ROBO2: variants seen among roughly 807,000 people sequenced by gnomAD.
The protein encoded by ROBO2 is roundabout guidance receptor 2.
In ROBO2, 53 loss-of-function variants were observed where a neutral mutation model predicts 160.8. The observed-to-expected ratio is 0.33, with a 90% CI of 0.26 to 0.41. ROBO2 has a LOEUF of 0.41. Ranked by LOEUF, ROBO2 falls within the 10% of genes least tolerant of loss-of-function variation. The probability of loss-of-function intolerance (pLI) is 1.00; values close to 1 mark genes in which losing one functional copy is unlikely to be tolerated. For missense variants in ROBO2, 1,577 were observed against 1,722.4 expected, an observed-to-expected ratio of 0.92 and a Z score of 1.49; for synonymous variants, 664 against 611.7, an observed-to-expected ratio of 1.09 and a Z score of -1.26.
chr3:76,435,058 T>C (rs1326987078), intron 2 of ROBO2: 2 of 1,136,106 alleles, frequency 1.8e-6, no homozygotes, highest in Non-Finnish European at 2.7e-6. Context: ...ATGGCTTACA[T>C]ATACAAGTGT....
At chr3:77,165,893 T>C (rs1179094592) in intron 2 of ROBO2, among the ~76,000 whole-genome samples, 1 of 152,176 alleles carries the variant, frequency 6.6e-6, no homozygotes, top group Non-Finnish European at 1.5e-5. Flanking sequence ...TTTCAGTATA[T>C]AGAAATTTCA....
intron 2 of ROBO2, among the ~76,000 whole-genome samples, chr3:76,017,453 A>C (rs1351548828): frequency 1.3e-5 from 2 of 152,124 alleles, no homozygotes; most frequent in Non-Finnish European, 2.9e-5. Flanking sequence ...TGATGAGCGC[A>C]CCTAAAGAGC....
chr3:77,253,819 T>G (rs2090636969), intron 2 of ROBO2, among the ~76,000 whole-genome samples: 1 of 152,130 alleles, frequency 6.6e-6, no homozygotes. Context: ...CCACTAGAAA[T>G]AGAGGTAAAG....
At chr3:77,576,995 T>C (rs2093783335) in intron 14 of ROBO2, among the ~76,000 whole-genome samples, 1 of 152,150 alleles carries the variant, frequency 6.6e-6, no homozygotes, top group African/African-American at 2.4e-5. Context: ...GAATATGTCT[T>C]CTCAGAATAA....
chr3:76,352,049 A>G (rs539683804), intron 2 of ROBO2, among the ~76,000 whole-genome samples: 10 of 152,174 alleles, frequency 6.6e-5, no homozygotes, highest in Non-Finnish European at 1.3e-4. Flanking sequence ...GTCTTTTTAA[A>G]TTACACAATA....
chr3:76,867,536 A>T (rs1306310216), intron 2 of ROBO2, among the ~76,000 whole-genome samples: 7 of 152,136 alleles, frequency 4.6e-5, no homozygotes, highest in Non-Finnish European at 1.0e-4. Flanking sequence ...CAATTTGGGG[A>T]CACTTTTCGT....
At chr3:76,416,582 C>T (rs1260143609) in intron 2 of ROBO2, among the ~76,000 whole-genome samples, 2 of 152,048 alleles carry the variant, frequency 1.3e-5, no homozygotes, top group Admixed American at 6.6e-5. Context: ...TTTTGCTATG[C>T]TCACTTTTGC....
chr3:76,610,416 G>A (rs1030425505), intron 2 of ROBO2, among the ~76,000 whole-genome samples: 8 of 152,166 alleles, frequency 5.3e-5, no homozygotes, highest in African/African-American at 1.4e-4. Context: ...CTGGAACGGC[G>A]TGGGGTGAGC....
chr3:76,486,586 TA>T (rs1387949038), intron 2 of ROBO2, among the ~76,000 whole-genome samples: 5 of 152,198 alleles, frequency 3.3e-5, no homozygotes, highest in African/African-American at 7.2e-5. Context: ...TGAAAACTCA[TA>T]TATCTTTGAA....
chr3:76,697,804 A>T (rs541957629), intron 2 of ROBO2, among the ~76,000 whole-genome samples: 2 of 152,274 alleles, frequency 1.3e-5, no homozygotes, highest in Admixed American at 1.3e-4. Flanking sequence ...TGAAATAACC[A>T]TCACAATAGA....
chr3:76,470,539 C>T (rs1484550086), intron 2 of ROBO2, among the ~76,000 whole-genome samples: 6 of 152,176 alleles, frequency 3.9e-5, no homozygotes, highest in Non-Finnish European at 7.4e-5. Flanking sequence ...CTACGTGACT[C>T]GGGCTTCTCA....
chr3:76,412,697 A>G (rs1392053733), intron 2 of ROBO2, among the ~76,000 whole-genome samples: 1 of 152,194 alleles, frequency 6.6e-6, no homozygotes, highest in African/African-American at 2.4e-5. Flanking sequence ...GTGGATTCCC[A>G]TGGTCTTGCA....
At chr3:76,418,115 GA>G (rs571364315) in intron 2 of ROBO2, among the ~76,000 whole-genome samples, 6 of 151,376 alleles carry the variant, frequency 4.0e-5, no homozygotes, top group Non-Finnish European at 7.4e-5. Context: ...CTATATTAAA[GA>G]AAAAAACAAA....
chr3:76,975,837 C>T (rs1433108828), intron 2 of ROBO2, among the ~76,000 whole-genome samples: 2 of 152,130 alleles, frequency 1.3e-5, no homozygotes, highest in Admixed American at 6.5e-5. Flanking sequence ...AACTTTGTTT[C>T]TCCAAAACTC....
intron 2 of ROBO2, among the ~76,000 whole-genome samples, chr3:76,512,695 T>C (rs182283660): frequency 2.6e-5 from 4 of 152,234 alleles, no homozygotes; most frequent in Non-Finnish European, 5.9e-5. Context: ...AGGCACAAAA[T>C]TGTTTAAAAT....
intron 5 of ROBO2, among the ~76,000 whole-genome samples, chr3:77,510,354 AG>A (rs1430449086): frequency 6.6e-6 from 1 of 152,056 alleles, no homozygotes; most frequent in Non-Finnish European, 1.5e-5. Flanking sequence ...GAAGATACAA[AG>A]GGTTGATAGA....
chr3:77,480,596 A>G (rs932786357), intron 3 of ROBO2, among the ~76,000 whole-genome samples: 1 of 152,186 alleles, frequency 6.6e-6, no homozygotes, highest in African/African-American at 2.4e-5. Flanking sequence ...TAATATTAAC[A>G]GTTGAAATGT....
At chr3:76,859,274 C>T (rs939688362) in intron 2 of ROBO2, among the ~76,000 whole-genome samples, 10 of 152,192 alleles carry the variant, frequency 6.6e-5, no homozygotes, top group African/African-American at 2.4e-4. Flanking sequence ...AATGCAAGGA[C>T]TGTTCAAATT....
At chr3:76,386,522 T>C (rs1045585509) in intron 2 of ROBO2, among the ~76,000 whole-genome samples, 1 of 152,246 alleles carries the variant, frequency 6.6e-6, no homozygotes, top group South Asian at 2.1e-4. Flanking sequence ...TTAAGGGTTT[T>C]TTAGGGGTTT....
Sources: gnomAD v4.1 joint callset for allele counts (sites outside exome capture counted in the v4.1 genomes callset) on GRCh38, gnomAD v4.1.1 for gene constraint, MANE v1.5 for transcripts, NCBI Gene and HGNC (gene_info 2026-07-23, HGNC 2026-07-21) for gene names.